CPVL: variants seen among roughly 807,000 people sequenced by gnomAD.
CPVL encodes the protein carboxypeptidase vitellogenic like, also known as probable serine carboxypeptidase CPVL.
CPVL carries 51 observed loss-of-function variants against 63.7 expected under a neutral mutation model. That is an observed-to-expected ratio of 0.80 (90% CI 0.64 to 1.01). The LOEUF is 1.01. Among genes scored for constraint, CPVL ranks in the 50% least tolerant of loss-of-function variants. The probability of loss-of-function intolerance (pLI) is 0.00; values close to 1 mark genes in which losing one functional copy is unlikely to be tolerated. For missense variants in CPVL, 530 were observed against 573.1 expected (o/e 0.92, Z 0.77); for synonymous variants, 195 against 206.0 (o/e 0.95, Z 0.46).
chr7:29,028,748 G>A (rs951602175), intron 12 of CPVL, among the ~76,000 whole-genome samples: 1 of 152,064 alleles, frequency 6.6e-6, no homozygotes, highest in Non-Finnish European at 1.5e-5. Context: ...GGCAGATCAC[G>A]AGGTCAGGAG....
upstream of CPVL, among the ~76,000 whole-genome samples, chr7:29,149,133 G>A (rs1013124937): frequency 1.3e-5 from 2 of 151,266 alleles, no homozygotes; most frequent in African/African-American, 4.9e-5. Flanking sequence ...GGGCAAGAAT[G>A]CTGAGCTCTA....
At chr7:29,107,841 T>C (rs1371560720) in intron 3 of CPVL, among the ~76,000 whole-genome samples, 1 of 152,216 alleles carries the variant, frequency 6.6e-6, no homozygotes, top group Admixed American at 6.5e-5. Context: ...GGAGTGTACA[T>C]GGCACCATGC....
At chr7:29,032,983 G>C (rs887219632) in intron 11 of CPVL, among the ~76,000 whole-genome samples, 1 of 152,126 alleles carries the variant, frequency 6.6e-6, no homozygotes, top group African/African-American at 2.4e-5. Context: ...ATCATAACAA[G>C]AGCACCAACT....
intron 1 of CPVL, among the ~76,000 whole-genome samples, chr7:29,142,052 T>C (rs1335021720): frequency 2.0e-5 from 3 of 152,202 alleles, no homozygotes; most frequent in Non-Finnish European, 4.4e-5. Context: ...TTTATTTAAC[T>C]TTCTCTTCTT....
At chr7:29,183,814 A>G (rs910942275) in intron 4 of CPVL, among the ~76,000 whole-genome samples, 2 of 152,222 alleles carry the variant, frequency 1.3e-5, no homozygotes, top group African/African-American at 2.4e-5. Flanking sequence ...ATATGCAGTC[A>G]GCTCTCTATA....
At chr7:29,178,606 T>A (rs564242246) in intron 5 of CPVL, among the ~76,000 whole-genome samples, 9 of 152,278 alleles carry the variant, frequency 5.9e-5, no homozygotes, top group Non-Finnish European at 1.2e-4. Flanking sequence ...GTTATCTTTT[T>A]AAAAAAAGCA....
intron 7 of CPVL, among the ~76,000 whole-genome samples, chr7:29,075,924 T>C (rs564247519): frequency 6.6e-6 from 1 of 150,758 alleles, no homozygotes; most frequent in South Asian, 2.1e-4. Flanking sequence ...TGTAATAAAA[T>C]TTCAGTTATT....
At chr7:29,143,698 T>C (rs1167759991) in intron 1 of CPVL, among the ~76,000 whole-genome samples, 2 of 152,102 alleles carry the variant, frequency 1.3e-5, no homozygotes, top group African/African-American at 4.8e-5. Flanking sequence ...ATAACTAGAA[T>C]CAGACTAGAG....
chr7:29,170,414 G>A (rs1363516747), intron 5 of CPVL, among the ~76,000 whole-genome samples: 6 of 152,034 alleles, frequency 3.9e-5, no homozygotes, highest in Non-Finnish European at 8.8e-5. Flanking sequence ...CCAAAGATTT[G>A]CCCTTTCTTT....
At chr7:29,100,209 C>A (rs1054125054) in intron 3 of CPVL, among the ~76,000 whole-genome samples, 2 of 152,116 alleles carry the variant, frequency 1.3e-5, no homozygotes, top group African/African-American at 4.8e-5. Flanking sequence ...CTGATTCCAG[C>A]GGATATCCAG....
rs1489392192 is a variant in CPVL, at chr7:28,995,592, T to A, written c.*180A>T. On this transcript the variant is annotated 3_prime_UTR_variant, in exon 13 of 13. Transcript: ENST00000265394. ...ATTCTTACTCATGTACTCATGTTAATTTTGTAGTAAACATCTCCCCCCAAA... is the reference window on the plus strand; with the variant it reads ...ATTCTTACTCATGTACTCATGTTAAATTTGTAGTAAACATCTCCCCCCAAA... The A allele has an allele frequency of 6.9e-6, 4 of 581,848 alleles. No individual in the cohort carries two copies. The highest frequency in any genetic ancestry group is 5.7e-5 in the African/African-American group (3 of 52,348). The allele number at this position is 581,848 out of a possible 1,614,324, so 36.0% of individuals were successfully genotyped here.
chr7:29,137,877 T>A (rs1249280217), intron 1 of CPVL, among the ~76,000 whole-genome samples: 1 of 152,138 alleles, frequency 6.6e-6, no homozygotes, highest in Non-Finnish European at 1.5e-5. Flanking sequence ...TAGGATGGAA[T>A]CTAGAGAAGT....
chr7:29,080,264 T>A (rs1470628972), intron 7 of CPVL: 1 of 152,002 alleles, frequency 6.6e-6, no homozygotes, highest in Non-Finnish European at 1.5e-5. Flanking sequence ...ATAAAAATTT[T>A]AAAAAAAGAA....
At chr7:29,034,362 T>C (rs1788316445) in intron 11 of CPVL, among the ~76,000 whole-genome samples, 2 of 152,110 alleles carry the variant, frequency 1.3e-5, no homozygotes, top group Non-Finnish European at 2.9e-5. Context: ...CCACCTCAGC[T>C]TCCTTCCCAA....
chr7:29,171,886 G>A (rs146115836), intron 5 of CPVL, among the ~76,000 whole-genome samples: 31 of 152,254 alleles, frequency 2.0e-4, no homozygotes, highest in Middle Eastern at 3.4e-3. Flanking sequence ...ATGGACTTAC[G>A]AACTGATTTG....
chr7:29,136,190 T>A (rs1791207294), intron 1 of CPVL, among the ~76,000 whole-genome samples: 1 of 152,220 alleles, frequency 6.6e-6, no homozygotes, highest in Admixed American at 6.5e-5. Context: ...GACTACCGCA[T>A]GAGTTTTTGT....
intron 12 of CPVL, among the ~76,000 whole-genome samples, chr7:29,005,407 G>T (rs910774784): frequency 2.6e-5 from 4 of 152,136 alleles, no homozygotes; most frequent in Non-Finnish European, 4.4e-5. Context: ...ACAGTCTTCA[G>T]AAGGGGAAAT....
At chr7:29,005,868 T>G (rs1393850728) in intron 12 of CPVL, among the ~76,000 whole-genome samples, 1 of 152,250 alleles carries the variant, frequency 6.6e-6, no homozygotes, top group Non-Finnish European at 1.5e-5. Context: ...GTTCATTATT[T>G]ATACTTACTC....
chr7:29,143,666 C>T (rs1584388751), intron 1 of CPVL, among the ~76,000 whole-genome samples: 1 of 117,808 alleles, frequency 8.5e-6, no homozygotes, highest in Non-Finnish European at 2.0e-5. Flanking sequence ...GTAAACAATT[C>T]TAAGCAATTT....
Sources: allele counts gnomAD v4.1 joint callset (sites outside exome capture counted in the v4.1 genomes callset), GRCh38; gene constraint gnomAD v4.1.1; transcripts MANE v1.5; gene names NCBI Gene and HGNC (gene_info 2026-07-23, HGNC 2026-07-21).